BEGAIN: variants seen among roughly 807,000 people sequenced by gnomAD.
The protein encoded by BEGAIN is brain enriched guanylate kinase associated, also known as brain-enriched guanylate kinase-associated protein.
Under a neutral mutation model 35.8 loss-of-function variants are expected in BEGAIN, and 19 were observed. The ratio of observed to expected loss-of-function variants is 0.53; its 90% CI spans 0.37 to 0.78. The LOEUF (loss-of-function observed/expected upper bound fraction) is 0.78. Ranked by LOEUF, BEGAIN falls within the 30% of genes least tolerant of loss-of-function variation. BEGAIN has a pLI of 0.00. For missense variants in BEGAIN, 795 were observed against 853.6 expected (o/e 0.93, Z 0.85); for synonymous variants, 462 against 388.6 (o/e 1.19, Z -2.22).
chr14:100,554,219 C>T (rs535495506), intron 2 of BEGAIN, among the ~76,000 whole-genome samples: 36 of 152,186 alleles, frequency 2.4e-4, no homozygotes, highest in African/African-American at 7.5e-4. Context: ...CTGGAGGCTG[C>T]GGGGGAGGCC....
At chr14:100,544,667 C>T (rs1401892924) in intron 4 of BEGAIN, among the ~76,000 whole-genome samples, 1 of 152,164 alleles carries the variant, frequency 6.6e-6, no homozygotes, top group Admixed American at 6.5e-5. Context: ...GGCCTGAATT[C>T]GGGCCTCCCT....
In BEGAIN at chr14:100,538,139, C is replaced by G; in HGVS notation, c.1669G>C (p.Glu557Gln). ...LCGTASSPEP[E>Q]QGSRDSLEPS... is the part of the protein sequence containing the mutation. ...TCCAAGGAGTCCCTGGAACCCTGCTCGGGCTCAGGGCTGCTGGCGGTCCCA... is the reference window on the plus strand; with the variant it reads ...TCCAAGGAGTCCCTGGAACCCTGCTGGGGCTCAGGGCTGCTGGCGGTCCCA... The change falls in exon 7 of 7, where the codon GAG (glutamate) becomes CAG (glutamine). Residue 557 changes from glutamate (E) to glutamine (Q), a missense_variant. Transcript: ENST00000554140. 6.5e-7 allele frequency: 1 copy of G among 1,539,640 alleles called. No individual in the cohort carries two copies. The highest frequency in any genetic ancestry group is 1.2e-5 in the South Asian group (1 of 80,856).
intron 1 of BEGAIN, among the ~76,000 whole-genome samples, chr14:100,580,522 C>T (rs1351710287): frequency 6.6e-6 from 1 of 152,056 alleles, no homozygotes; most frequent in African/African-American, 2.4e-5. Context: ...CACTTGCTTT[C>T]CCTCTGCCAG....
In BEGAIN at chr14:100,568,604, G is replaced by C; in HGVS notation, c.43-665C>G. On this transcript the variant is annotated intron_variant, in intron 1 of 6. Coordinates refer to ENST00000554140, the MANE Select transcript of BEGAIN (RefSeq NM_001385089.1). The surrounding 1 kb of genome is among the most constrained non-coding windows in gnomAD (Gnocchi z 7.5). ...CGGGGCTCCCTGCCTTGCTTGCGCAGACCCGCCCGCGCGCGGCTTGGAGAC... is the reference window on the plus strand; with the variant it reads ...CGGGGCTCCCTGCCTTGCTTGCGCACACCCGCCCGCGCGCGGCTTGGAGAC... 1 of 1,045,284 alleles carries C rather than the reference G, an allele frequency of 9.6e-7. No homozygotes were observed. The allele number at this position is 1,045,284 out of a possible 1,614,324, so 64.8% of individuals were successfully genotyped here.
rs2031072763 is a variant in BEGAIN at position 100,538,888 on chromosome 14, G to C, written c.920C>G (p.Pro307Arg). The change falls in exon 7 of 7, where the codon CCC (proline) becomes CGC (arginine). Residue 307 changes from proline to arginine, a missense_variant. Physicochemically the swap from Pro to Arg is moderately radical, Grantham distance 103 (BLOSUM62 -2). This residue lies in a region of BEGAIN where 664 missense variants were observed against 647.7 expected (regional missense o/e 1.03). Coordinates refer to ENST00000554140, the MANE Select transcript of BEGAIN (RefSeq NM_001385089.1). ...CGTGGGCAGTGAGCCTGCGTAGCTG[G>C]GGAAGGCCTCATGCTGGAAGCCCGC... ...FPAGFQHEAF[P>R]SYAGSLPTSS... 2 of 1,607,988 alleles carry C rather than the reference G, an allele frequency of 1.2e-6. No homozygotes were observed. Among genetic ancestry groups the C allele is most frequent in the South Asian group, 2.2e-5 (2 of 90,678 alleles).
At chr14:100,583,751 G>A (rs1156345146) in intron 1 of BEGAIN, among the ~76,000 whole-genome samples, 1 of 136,986 alleles carries the variant, frequency 7.3e-6, no homozygotes, top group East Asian at 2.2e-4. Context: ...GAGTGTAGTG[G>A]CACGATCTCG....
intron 1 of BEGAIN, among the ~76,000 whole-genome samples, chr14:100,574,069 C>A (rs1362357234): frequency 6.6e-6 from 1 of 152,090 alleles, no homozygotes; most frequent in East Asian, 1.9e-4. Flanking sequence ...GACGGAGAGC[C>A]GCCTGGGCCT....
Position 100,546,814 on chromosome 14 carries a change from T to TCACA in BEGAIN, c.72-156_72-153dup, listed in dbSNP as rs1566965107. ...CACACACACACACACACACACACAC[T>TCACA]CACACACACCCAGCCTCCCGGGCGT... On this transcript the variant is annotated intron_variant, in intron 2 of 6. Coordinates refer to ENST00000554140, the MANE Select transcript of BEGAIN (RefSeq NM_001385089.1). 25 of 444,716 alleles carry TCACA rather than the reference T, an allele frequency of 5.6e-5. No individual in the cohort carries two copies. The African/African-American group carries it at 1.0e-3, about 18-fold the overall frequency. The allele number at this position is 444,716 out of a possible 1,614,324, so 27.5% of individuals were successfully genotyped here. A position where few individuals can be genotyped will look rare whatever the true frequency, so the allele number is the denominator to read the frequency against.
intron 1 of BEGAIN, among the ~76,000 whole-genome samples, chr14:100,575,671 G>A (rs1014034061): frequency 3.5e-4 from 54 of 152,230 alleles, no homozygotes; most frequent in South Asian, 1.2e-3. Flanking sequence ...GCAGGAGTTA[G>A]GCCTGGAGAC....
At chr14:100,581,509 G>C (rs937430141) in intron 1 of BEGAIN, among the ~76,000 whole-genome samples, 1 of 152,280 alleles carries the variant, frequency 6.6e-6, no homozygotes, top group Non-Finnish European at 1.5e-5. Context: ...ATCTGATTCA[G>C]TCCTGCTTCC....
rs1031044480 is a variant in BEGAIN at position 100,573,563 on chromosome 14, G to A, written c.43-5624C>T. ...CCCCAGGGCATCCAGCCAGGCCCAC[G>A]GGGCCTGGGGTGGAGGTGGGAGGGA... is the stretch of plus-strand genomic sequence containing the variant. On this transcript the variant is annotated intron_variant, in intron 1 of 6. Coordinates refer to ENST00000554140, the MANE Select transcript of BEGAIN (RefSeq NM_001385089.1). This position sits in a 1 kb window ranked among gnomAD's most constrained non-coding sequence, Gnocchi z 4.2. 2.0e-5 allele frequency among the ~76,000 whole-genome samples: 3 copies of A among 152,306 alleles called. No individual in the cohort carries two copies. The highest frequency in any genetic ancestry group is 6.5e-5 in the Admixed American group (1 of 15,304).
In BEGAIN at chr14:100,573,496, C is replaced by T. The variant is rs867786322; in HGVS notation, c.43-5557G>A. Among the ~76,000 whole-genome samples the T allele has an allele frequency of 2.0e-5, 3 of 152,152 alleles. No individual in the cohort carries two copies. Among genetic ancestry groups the T allele is most frequent in the Admixed American group, 6.5e-5 (1 of 15,296 alleles). ...GAGCCCCTGGAGGGATGAATGGGGG[C>T]GTCTCTGGCACACCACTGTGTGGAG... On this transcript the variant is annotated intron_variant, in intron 1 of 6. Transcript: ENST00000554140. This position sits in a 1 kb window ranked among gnomAD's most constrained non-coding sequence, Gnocchi z 4.2.
intron 5 of BEGAIN, 92 bp from the exon 6 acceptor site, chr14:100,540,671 G>A (rs1352268043): frequency 1.2e-5 from 11 of 925,248 alleles, no homozygotes; most frequent in African/African-American, 3.3e-5. Context: ...GGGCAGTGGT[G>A]TGCACAGGGC....
chr14:100,574,768 C>T (rs1415184546), intron 1 of BEGAIN, among the ~76,000 whole-genome samples: 2 of 152,038 alleles, frequency 1.3e-5, no homozygotes, highest in Non-Finnish European at 2.9e-5. Flanking sequence ...AGGCTGAGGC[C>T]AGTAGGGCAG....
At chr14:100,578,092 G>A (rs146236157) in intron 1 of BEGAIN, 6 of 397,632 alleles carry the variant, frequency 1.5e-5, no homozygotes, top group Admixed American at 4.4e-5. Context: ...CCAGATGCCC[G>A]CCTGCCCATT....
intron 2 of BEGAIN, among the ~76,000 whole-genome samples, chr14:100,561,839 A>T (rs564682336): frequency 4.5e-4 from 68 of 152,198 alleles, no homozygotes; most frequent in African/African-American, 1.6e-3. Context: ...CTTGCAGAGG[A>T]GTGGGAACTC....
rs140178012 is a variant in BEGAIN at position 100,558,238 on chromosome 14, G to C, written c.71+9673C>G. Among the ~76,000 whole-genome samples, 2 of 152,102 alleles carry C rather than the reference G, an allele frequency of 1.3e-5. No homozygotes were observed. The highest frequency in any genetic ancestry group is 2.9e-5 in the Non-Finnish European group (2 of 68,012). ...TCTGCCTCCTTACTCCTAGCCTGCC[G>C]GGATGGGACCAATGCCCACCAGGAT... is the stretch of plus-strand genomic sequence containing the variant. On this transcript the variant is annotated intron_variant, in intron 2 of 6. Coordinates refer to ENST00000554140, the MANE Select transcript of BEGAIN (RefSeq NM_001385089.1). The surrounding 1 kb of genome is among the most constrained non-coding windows in gnomAD (Gnocchi z 4.6).
rs893171281 is a variant in BEGAIN at position 100,568,439 on chromosome 14, ACT to A, written c.43-502_43-501del. ...GCCGTGCAGGATTGCAGAACCTGAC[ACT>A]CACACAATCCGAGGGCGATGGCATT... On this transcript the variant is annotated intron_variant, in intron 1 of 6. Coordinates refer to ENST00000554140, the MANE Select transcript of BEGAIN (RefSeq NM_001385089.1). The surrounding 1 kb of genome is among the most constrained non-coding windows in gnomAD (Gnocchi z 7.5). 13 of 1,283,376 alleles carry A rather than the reference ACT, an allele frequency of 1.0e-5. No homozygotes were observed. Among genetic ancestry groups the A allele is most frequent in the Non-Finnish European group, 3.0e-6 (3 of 985,618 alleles). The allele number at this position is 1,283,376 out of a possible 1,614,324, so 79.5% of individuals were successfully genotyped here.
chr14:100,556,280 G>C (rs1320180011), intron 2 of BEGAIN, among the ~76,000 whole-genome samples: 1 of 152,168 alleles, frequency 6.6e-6, no homozygotes, highest in Non-Finnish European at 1.5e-5. Context: ...ACTGGAGTCA[G>C]GATGCAGCAG....
Sources: gnomAD v4.1 joint callset for allele counts (sites outside exome capture counted in the v4.1 genomes callset) on GRCh38, gnomAD v4.1.1 for gene constraint, gnomAD v4.1.1 regional missense constraint, Gnocchi (gnomAD v3.1) non-coding constraint, MANE v1.5 for transcripts, NCBI Gene and HGNC (gene_info 2026-07-23, HGNC 2026-07-21) for gene names.